The following PACSIN1 variants were observed in gnomAD, a reference collection of about 807,000 sequenced individuals.
PACSIN1 encodes protein kinase C and casein kinase substrate in neurons protein 1.
PACSIN1 carries 15 observed loss-of-function variants against 59.5 expected under a neutral mutation model. That is an observed-to-expected ratio of 0.25 (90% CI 0.17 to 0.39). The LOEUF (loss-of-function observed/expected upper bound fraction) is 0.39. Among genes scored for constraint, PACSIN1 ranks in the 10% least tolerant of loss-of-function variants. The probability of loss-of-function intolerance (pLI) is 1.00; values close to 1 mark genes in which losing one functional copy is unlikely to be tolerated. For missense variants in PACSIN1, 420 were observed against 580.2 expected (o/e 0.72, Z 2.84); for synonymous variants, 210 against 220.6 (o/e 0.95, Z 0.42).
rs574052901 is a variant in PACSIN1, at chr6:34,503,282, A to T, written c.-63-22961A>T. On this transcript the variant is annotated intron_variant, in intron 1 of 9. Transcript: ENST00000244458. ...AGATCCTGTCAAAAAAAAAAAAAAG[A>T]AAAAGAAAAAGAAAAAAAAAGCCTG... 6.9e-4 allele frequency among the ~76,000 whole-genome samples: 104 copies of T among 150,730 alleles called. 1 individual carries two copies. In the South Asian group the frequency reaches 0.021, roughly 30 times the overall value.
At chr6:34,471,361 T>G (rs1056578830) in intron 1 of PACSIN1, among the ~76,000 whole-genome samples, 1 of 152,228 alleles carries the variant, frequency 6.6e-6, no homozygotes. Flanking sequence ...AGATACTTGT[T>G]TGAAGTTGAC....
intron 1 of PACSIN1, among the ~76,000 whole-genome samples, chr6:34,487,120 A>G (rs1461561414): frequency 6.6e-6 from 1 of 152,014 alleles, no homozygotes; most frequent in Admixed American, 6.6e-5. Flanking sequence ...GCAGTGAGCT[A>G]TGATTGCACC....
At position 34,488,469 on chromosome 6, in the gene PACSIN1, T is replaced by C. The variant is rs1766825879; in HGVS notation, c.-64+22199T>C. Among the ~76,000 whole-genome samples, 2 of 152,124 alleles carry C rather than the reference T, an allele frequency of 1.3e-5. No homozygotes were observed. Among genetic ancestry groups the C allele is most frequent in the Non-Finnish European group, 2.9e-5 (2 of 68,012 alleles). ...GTGGCAGTTACAGCTGAAAGTTTAA[T>C]GTGACTCTTGCTGTCTCTTGGTGGA... On this transcript the variant is annotated intron_variant, in intron 1 of 9. Transcript: ENST00000244458. This position sits in a 1 kb window ranked among gnomAD's most constrained non-coding sequence, Gnocchi z 4.7.
chr6:34,528,912 T>TGGGCCCGGGGGGGGGGGGGGGGG, intron 4 of PACSIN1, 35 bp downstream of exon 4: 1 of 464,336 alleles, frequency 2.2e-6, no homozygotes, highest in Non-Finnish European at 4.2e-6. Flanking sequence ...CGGGGTGGGG[T>TGGGCCCGGGGGGGGGGGGGGGGG]GGGCCCGTCT....
intron 3 of PACSIN1, chr6:34,527,770 T>TC (rs1269766302): frequency 3.7e-6 from 1 of 268,002 alleles, no homozygotes; most frequent in Non-Finnish European, 7.0e-6. Context: ...TACATACCCT[T>TC]CCCCCAGGCT....
chr6:34,529,450 C>T lies in PACSIN1; in HGVS notation c.510C>T (p.Ala170=), dbSNP rs1274423104. The change falls in exon 5 of 10, where the codon GCC becomes GCT. Residue 170 remains alanine (A), a synonymous_variant. Transcript: ENST00000244458. This position sits in a 1 kb window ranked among gnomAD's most constrained non-coding sequence, Gnocchi z 6.3. ...YHLACKEEKL[A]MTREMNSKTE... is the part of the protein sequence containing the mutation. ...TGGCTTGCAAAGAGGAAAAGCTGGC[C>T]ATGACACGGGAGATGAACAGCAAGA... The T allele has an allele frequency of 6.2e-7, 1 of 1,614,160 alleles. No individual in the cohort carries two copies. The highest frequency in any genetic ancestry group is 2.2e-5 in the East Asian group (1 of 44,858).
chr6:34,527,316 G>C lies in PACSIN1; in HGVS notation c.64-16G>C, dbSNP rs752099881. On this transcript the variant is annotated splice_polypyrimidine_tract_variant and intron_variant, in intron 2 of 9. Transcript: ENST00000244458. ...CTGGGAACCCGCGGGAGTGGTGCTC[G>C]CTGCTTGGCCGCCAGGTGGGGAACT... 2.5e-5 allele frequency: 39 copies of C among 1,538,428 alleles called. No homozygotes were observed. In the Admixed American group the frequency reaches 3.3e-4, roughly 13 times the overall value.
intron 1 of PACSIN1, among the ~76,000 whole-genome samples, chr6:34,505,288 G>A (rs918895925): frequency 6.6e-6 from 1 of 151,998 alleles, no homozygotes; most frequent in African/African-American, 2.4e-5. Context: ...TAGTTTTCAA[G>A]AGTTTGACCA....
chr6:34,471,447 A>G (rs1049813819), intron 1 of PACSIN1, among the ~76,000 whole-genome samples: 2 of 152,230 alleles, frequency 1.3e-5, no homozygotes, highest in South Asian at 4.1e-4. Flanking sequence ...AACTTTCTAT[A>G]CTGGCTAGAG....
chr6:34,517,146 G>A (rs904698347), intron 1 of PACSIN1, among the ~76,000 whole-genome samples: 5 of 152,164 alleles, frequency 3.3e-5, no homozygotes, highest in Admixed American at 1.3e-4. Context: ...GCTCTGGCAG[G>A]AGCCATCCTT....
At chr6:34,470,501 T>G (rs1766556500) in intron 1 of PACSIN1, among the ~76,000 whole-genome samples, 2 of 151,798 alleles carry the variant, frequency 1.3e-5, no homozygotes, top group African/African-American at 4.8e-5. Context: ...TATTTTAAAA[T>G]CACTCGATAT....
intron 1 of PACSIN1, among the ~76,000 whole-genome samples, chr6:34,478,489 C>T (rs1200541843): frequency 2.0e-5 from 3 of 151,000 alleles, no homozygotes; most frequent in Non-Finnish European, 4.4e-5. Flanking sequence ...TCTCCTGCCT[C>T]AGGCTCCTGA....
intron 1 of PACSIN1, among the ~76,000 whole-genome samples, chr6:34,466,797 G>A (rs917653138): frequency 6.6e-6 from 1 of 152,166 alleles, no homozygotes; most frequent in Non-Finnish European, 1.5e-5. Context: ...AGAAGGAGGC[G>A]ATAATGCTAA....
At chr6:34,497,345 C>T (rs1766962824) in intron 1 of PACSIN1, among the ~76,000 whole-genome samples, 1 of 152,110 alleles carries the variant, frequency 6.6e-6, no homozygotes, top group Non-Finnish European at 1.5e-5. Flanking sequence ...AGGCACTGTT[C>T]CAGGTACTTT....
chr6:34,477,915 TC>T (rs1349659115), intron 1 of PACSIN1, among the ~76,000 whole-genome samples: 1 of 51,534 alleles, frequency 1.9e-5, no homozygotes, highest in East Asian at 6.6e-4. Flanking sequence ...AGCCTGGCCA[TC>T]TTTTTTTTTT....
At chr6:34,519,236 C>T (rs1261054318) in intron 1 of PACSIN1, among the ~76,000 whole-genome samples, 1 of 152,128 alleles carries the variant, frequency 6.6e-6, no homozygotes, top group African/African-American at 2.4e-5. Flanking sequence ...CAGCTGGTCC[C>T]CTCTGCCCTG....
chr6:34,522,906 T>C (rs189432398), intron 1 of PACSIN1, among the ~76,000 whole-genome samples: 4 of 152,296 alleles, frequency 2.6e-5, no homozygotes, highest in Admixed American at 2.0e-4. Flanking sequence ...CTTTTCCTTC[T>C]CTCTGGGCCC....
At chr6:34,473,620 T>C (rs1581955113) in intron 1 of PACSIN1, among the ~76,000 whole-genome samples, 1 of 152,026 alleles carries the variant, frequency 6.6e-6, no homozygotes, top group Non-Finnish European at 1.5e-5. Flanking sequence ...GGGTTGGGGG[T>C]CCAGGCTGAG....
rs1202886622 is a variant in PACSIN1 at position 34,529,619 on chromosome 6, T to G, written c.613-47T>G. 3 of 1,612,228 alleles carry G rather than the reference T, an allele frequency of 1.9e-6. No homozygotes were observed. The highest frequency in any genetic ancestry group is 2.5e-6 in the Non-Finnish European group (3 of 1,178,624). On this transcript the variant is annotated intron_variant, in intron 5 of 9. Coordinates refer to ENST00000244458, the MANE Select transcript of PACSIN1 (RefSeq NM_020804.5). The surrounding 1 kb of genome is among the most constrained non-coding windows in gnomAD (Gnocchi z 6.3). The stretch of plus-strand genomic sequence containing the variant: ...CTTGCAGAGGGTGGTGGCTGGGAGC[T>G]GCAGGCCTGGCTAGGTGTCACCCTC...
Sources: allele counts gnomAD v4.1 joint callset (sites outside exome capture counted in the v4.1 genomes callset), GRCh38; gene constraint gnomAD v4.1.1; non-coding constraint Gnocchi (gnomAD v3.1); transcripts MANE v1.5; gene names NCBI Gene and HGNC (gene_info 2026-07-23, HGNC 2026-07-21).